CDK19: variants seen among roughly 807,000 people sequenced by gnomAD.
CDK19 encodes the protein cyclin-dependent kinase 19.
In CDK19, 20 loss-of-function variants were observed where a neutral mutation model predicts 68.3. The ratio of observed to expected loss-of-function variants is 0.29; its 90% CI spans 0.21 to 0.43. CDK19 has a LOEUF of 0.43. Ranked by LOEUF, CDK19 falls within the 20% of genes least tolerant of loss-of-function variation. CDK19 has a pLI of 1.00. For missense variants in CDK19, 339 were observed against 623.5 expected (o/e 0.54, Z 4.86); for synonymous variants, 221 against 222.8 (o/e 0.99, Z 0.07).
chr6:110,667,501 G>T lies in CDK19; in HGVS notation c.389C>A (p.Ser130Tyr). Reference protein sequence around the residue: ...PMQLPRSMVKSLLYQILDGIH... With the variant: ...PMQLPRSMVKYLLYQILDGIH... ...ACCATCAAGAATCTGGTAAAGTAAG[G>T]ATTTAACCATAGATCTTGGCAACTG... Residue 130 changes from serine (S) to tyrosine (Y), a missense_variant, in exon 4 of 13, where the codon TCC becomes TAC. This residue lies in a region of CDK19 where 120 missense variants were observed against 224.0 expected (regional missense o/e 0.54). Transcript: ENST00000368911. 1 of 1,593,990 alleles carries T rather than the reference G, an allele frequency of 6.3e-7. No individual in the cohort carries two copies. The highest frequency in any genetic ancestry group is 8.6e-7 in the Non-Finnish European group (1 of 1,166,486).
intron 1 of CDK19, among the ~76,000 whole-genome samples, chr6:110,798,238 G>A (rs1459174391): frequency 1.3e-5 from 2 of 152,004 alleles, no homozygotes; most frequent in Non-Finnish European, 2.9e-5. Flanking sequence ...AGTACATTAT[G>A]TAAGATGGCA....
intron 1 of CDK19, among the ~76,000 whole-genome samples, chr6:110,757,950 G>A (rs1210537134): frequency 6.6e-6 from 1 of 152,156 alleles, no homozygotes; most frequent in Non-Finnish European, 1.5e-5. Context: ...CAGCACTTTA[G>A]GAGGCCAAGG....
chr6:110,788,193 A>T (rs1396284788), intron 1 of CDK19, among the ~76,000 whole-genome samples: 2 of 142,550 alleles, frequency 1.4e-5, no homozygotes, highest in African/African-American at 2.6e-5. Context: ...CAGGCTCTTG[A>T]TCTGATGCCC....
At chr6:110,670,900 T>TAAAA (rs1770952634) in intron 2 of CDK19, 2 of 393,950 alleles carry the variant, frequency 5.1e-6, no homozygotes, top group Non-Finnish European at 4.9e-6. Flanking sequence ...ATTACATTTT[T>TAAAA]GTACATGCAT....
In CDK19 at chr6:110,651,583, C is replaced by T. The variant is rs559005939; in HGVS notation, c.457-12877G>A. On this transcript the variant is annotated intron_variant, in intron 4 of 12. Transcript: ENST00000368911. ...ACCCCATCTCTAAAAAAAATACATT[C>T]GTATTCCTGGATTTGGTTTACTAGT... Among the ~76,000 whole-genome samples, 11 of 152,178 alleles carry T rather than the reference C, an allele frequency of 7.2e-5. No individual in the cohort carries two copies. The East Asian group carries it at 1.2e-3, about 16-fold the overall frequency.
At chr6:110,772,366 G>A (rs965026894) in intron 1 of CDK19, among the ~76,000 whole-genome samples, 5 of 151,864 alleles carry the variant, frequency 3.3e-5, no homozygotes, top group African/African-American at 1.2e-4. Flanking sequence ...GAGCAGTAGG[G>A]GGGAAACCGC....
chr6:110,709,868 T>C (rs1774811009), intron 2 of CDK19, among the ~76,000 whole-genome samples: 1 of 152,146 alleles, frequency 6.6e-6, no homozygotes, highest in Admixed American at 6.5e-5. Flanking sequence ...CCTAATAAAA[T>C]TAAAATAAAA....
At position 110,763,022 on chromosome 6, in the gene CDK19, T is replaced by C. The variant is rs142860328; in HGVS notation, c.129-16821A>G. ...TAAGAGTCTAGAATTAGGTTTTACATTCAACAGGGCATTGTAGTACATATT... is the reference window on the plus strand; with the variant it reads ...TAAGAGTCTAGAATTAGGTTTTACACTCAACAGGGCATTGTAGTACATATT... On this transcript the variant is annotated intron_variant, in intron 1 of 12. Coordinates refer to ENST00000368911, the MANE Select transcript of CDK19 (RefSeq NM_015076.5). 3.3e-5 allele frequency among the ~76,000 whole-genome samples: 5 copies of C among 152,308 alleles called. No homozygotes were observed. The East Asian group carries it at 9.6e-4, about 29-fold the overall frequency.
At chr6:110,744,245 G>C (rs1383945042) in intron 2 of CDK19, among the ~76,000 whole-genome samples, 1 of 148,394 alleles carries the variant, frequency 6.7e-6, no homozygotes, top group Non-Finnish European at 1.5e-5. Flanking sequence ...GACCTCAGGT[G>C]ATCCACCCCC....
At position 110,770,359 on chromosome 6, in the gene CDK19, C is replaced by T. The variant is rs527280165; in HGVS notation, c.129-24158G>A. 1.2e-3 allele frequency among the ~76,000 whole-genome samples: 182 copies of T among 152,182 alleles called. 1 individual carries two copies. Among genetic ancestry groups the T allele is most frequent in the African/African-American group, 4.1e-3 (169 of 41,522 alleles). On this transcript the variant is annotated intron_variant, in intron 1 of 12. Coordinates refer to ENST00000368911, the MANE Select transcript of CDK19 (RefSeq NM_015076.5). ...GAGGCCTCAGAATCATAGCAGGAGGCGAAAGGCACTTCTTACATGGTGGCA... is the reference window on the plus strand; with the variant it reads ...GAGGCCTCAGAATCATAGCAGGAGGTGAAAGGCACTTCTTACATGGTGGCA...
intron 1 of CDK19, chr6:110,773,847 T>C (rs940038426): frequency 4.6e-5 from 7 of 152,136 alleles, no homozygotes; most frequent in Non-Finnish European, 8.8e-5. Flanking sequence ...ACACACACAA[T>C]GACACCAGAA....
intron 2 of CDK19, among the ~76,000 whole-genome samples, chr6:110,692,911 C>T (rs1322843477): frequency 6.6e-6 from 1 of 152,094 alleles, no homozygotes; most frequent in Non-Finnish European, 1.5e-5. Context: ...GCAGGAGAAT[C>T]ACTTGAACCC....
chr6:110,762,020 T>C (rs1053157434), intron 1 of CDK19, among the ~76,000 whole-genome samples: 3 of 152,130 alleles, frequency 2.0e-5, no homozygotes, highest in Non-Finnish European at 4.4e-5. Context: ...GCTAATCCAA[T>C]GGAAAAAGAT....
At chr6:110,746,893 C>G (rs1054249428) in intron 1 of CDK19, among the ~76,000 whole-genome samples, 1 of 152,164 alleles carries the variant, frequency 6.6e-6, no homozygotes, top group Non-Finnish European at 1.5e-5. Flanking sequence ...AGTTCAAAAT[C>G]TGGTGAAACA....
intron 1 of CDK19, among the ~76,000 whole-genome samples, chr6:110,787,732 G>A (rs150340172): frequency 1.3e-5 from 2 of 152,304 alleles, no homozygotes; most frequent in Non-Finnish European, 2.9e-5. Flanking sequence ...CGTAAGCCAT[G>A]ACACCTGGCA....
intron 1 of CDK19, among the ~76,000 whole-genome samples, chr6:110,796,126 C>G (rs549232518): frequency 6.6e-6 from 1 of 152,196 alleles, no homozygotes; most frequent in South Asian, 2.1e-4. Flanking sequence ...ATCATGAGGT[C>G]AAGAGATCGA....
At chr6:110,749,900 T>C (rs1239344646) in intron 1 of CDK19, among the ~76,000 whole-genome samples, 1 of 142,730 alleles carries the variant, frequency 7.0e-6, no homozygotes, top group African/African-American at 2.6e-5. Context: ...GCCTCCAGAG[T>C]AGCTGGGACT....
At chr6:110,639,033 C>T (rs1391595760) in intron 4 of CDK19, among the ~76,000 whole-genome samples, 1 of 152,158 alleles carries the variant, frequency 6.6e-6, no homozygotes, top group African/African-American at 2.4e-5. Context: ...AGTTTATGTG[C>T]TTGAAAAATT....
intron 5 of CDK19, among the ~76,000 whole-genome samples, chr6:110,633,557 C>T (rs1037812909): frequency 5.3e-5 from 8 of 152,062 alleles, no homozygotes; most frequent in Admixed American, 2.6e-4. Flanking sequence ...TGTTATAATT[C>T]GGCATTTAAC....
Sources: gnomAD v4.1 joint callset for allele counts (sites outside exome capture counted in the v4.1 genomes callset) on GRCh38, gnomAD v4.1.1 for gene constraint, gnomAD v4.1.1 regional missense constraint, MANE v1.5 for transcripts, NCBI Gene and HGNC (gene_info 2026-07-23, HGNC 2026-07-21) for gene names.